Variants in PGGT1B observed in about 807,000 individuals in gnomAD.
PGGT1B encodes the protein geranylgeranyl transferase type-1 subunit beta.
PGGT1B carries 30 observed loss-of-function variants against 46.1 expected under a neutral mutation model. The observed-to-expected ratio is 0.65, with a 90% CI of 0.49 to 0.88. PGGT1B has a LOEUF of 0.88. Ranked by LOEUF, PGGT1B falls within the 40% of genes least tolerant of loss-of-function variation. The pLI, the probability that PGGT1B is intolerant of heterozygous loss-of-function variation, is 0.00. For missense variants in PGGT1B, 376 were observed against 455.9 expected (o/e 0.82, Z 1.60); for synonymous variants, 170 against 160.0 (o/e 1.06, Z -0.47).
intron 6 of PGGT1B, among the ~76,000 whole-genome samples, chr5:115,224,982 GGGGCTGAATGGGGTTA>G (rs1237570947): frequency 6.6e-6 from 1 of 151,962 alleles, no homozygotes; most frequent in Non-Finnish European, 1.5e-5. Flanking sequence ...ATATCTTTTT[GGGGCTGAATGGGGTTA>G]GATCAATGAT....
rs551887356 is a variant in PGGT1B at position 115,239,495 on chromosome 5, C to T, written c.328-1486G>A. ...AACTGACTTCTTAGAATTCCTATTG[C>T]ATATTTAACTTTTTGATACTTAAAG... On this transcript the variant is annotated intron_variant, in intron 3 of 8. Transcript: ENST00000419445. Among the ~76,000 whole-genome samples, 6 of 152,274 alleles carry T rather than the reference C, an allele frequency of 3.9e-5. No homozygotes were observed. The South Asian group carries it at 1.2e-3, about 32-fold the overall frequency.
intron 5 of PGGT1B, 152 bp downstream of exon 5, chr5:115,236,238 T>C (rs1757177966): frequency 1.8e-6 from 1 of 546,384 alleles, no homozygotes; most frequent in African/African-American, 2.0e-5. Context: ...AGATTATTTC[T>C]TTATTGTGTT....
intron 1 of PGGT1B, among the ~76,000 whole-genome samples, chr5:115,254,212 T>A (rs899188314): frequency 4.6e-5 from 7 of 152,064 alleles, no homozygotes; most frequent in Non-Finnish European, 8.8e-5. Context: ...GCATCTAGAG[T>A]ACTATTATCT....
chr5:115,232,061 G>A (rs1215137198), intron 5 of PGGT1B, among the ~76,000 whole-genome samples: 1 of 152,042 alleles, frequency 6.6e-6, no homozygotes, highest in African/African-American at 2.4e-5. Flanking sequence ...CCCACATGAT[G>A]TTTTATTAAA....
chr5:115,252,916 A>G (rs142513491), intron 2 of PGGT1B: 1 of 478,636 alleles, frequency 2.1e-6, no homozygotes, highest in Non-Finnish European at 3.6e-6. Context: ...ACAACTGTGA[A>G]TCTCTATTAA....
intron 6 of PGGT1B, among the ~76,000 whole-genome samples, chr5:115,225,301 C>T (rs1756736508): frequency 1.3e-5 from 2 of 152,234 alleles, no homozygotes; most frequent in African/African-American, 2.4e-5. Flanking sequence ...ATACTTCAGT[C>T]ATAAAACATC....
At chr5:115,237,731 T>C in intron 4 of PGGT1B, 127 bp downstream of exon 4, 2 of 667,734 alleles carry the variant, frequency 3.0e-6, no homozygotes, top group Non-Finnish European at 4.7e-6. Context: ...ATTATGTACC[T>C]CGTAAGCTTT....
chr5:115,215,199 T>C (rs575486167), intron 8 of PGGT1B, among the ~76,000 whole-genome samples: 2 of 152,242 alleles, frequency 1.3e-5, no homozygotes, highest in South Asian at 2.1e-4. Context: ...GGTCTCGCCA[T>C]ATTGACCAGG....
intron 2 of PGGT1B, among the ~76,000 whole-genome samples, chr5:115,242,841 C>A (rs1757389068): frequency 6.6e-6 from 1 of 152,114 alleles, no homozygotes; most frequent in Non-Finnish European, 1.5e-5. Flanking sequence ...GTGGCACCTG[C>A]CTGTAATCCC....
intron 1 of PGGT1B, among the ~76,000 whole-genome samples, chr5:115,254,885 G>C (rs1324311946): frequency 6.6e-6 from 1 of 152,064 alleles, no homozygotes; most frequent in South Asian, 2.1e-4. Flanking sequence ...TTGAATTAGA[G>C]AGGTAATTTA....
chr5:115,213,223 G>A (rs1756294914), intron 8 of PGGT1B, among the ~76,000 whole-genome samples: 1 of 152,174 alleles, frequency 6.6e-6, no homozygotes, highest in East Asian at 1.9e-4. Flanking sequence ...CTATTTGGTT[G>A]AAATAATATG....
At chr5:115,240,400 A>G (rs2127015096) in intron 3 of PGGT1B, among the ~76,000 whole-genome samples, 1 of 152,326 alleles carries the variant, frequency 6.6e-6, no homozygotes, top group South Asian at 2.1e-4. Context: ...CGGTCATCAT[A>G]ACTAGTGGCA....
intron 5 of PGGT1B, among the ~76,000 whole-genome samples, chr5:115,236,038 G>T (rs1466394822): frequency 2.0e-5 from 3 of 152,064 alleles, no homozygotes; most frequent in African/African-American, 7.2e-5. Context: ...TCTCACCAAA[G>T]ATAACATAAT....
At chr5:115,252,232 AT>A (rs980322493) in intron 2 of PGGT1B, among the ~76,000 whole-genome samples, 3 of 152,070 alleles carry the variant, frequency 2.0e-5, no homozygotes, top group East Asian at 1.9e-4. Flanking sequence ...TACTTAAATC[AT>A]TTTTTAATAA....
At chr5:115,218,718 T>TA (rs1299394319) in intron 7 of PGGT1B, among the ~76,000 whole-genome samples, 1 of 151,748 alleles carries the variant, frequency 6.6e-6, no homozygotes, top group Non-Finnish European at 1.5e-5. Flanking sequence ...CACTGTTTTG[T>TA]AACCTCTTAA....
intron 1 of PGGT1B, among the ~76,000 whole-genome samples, chr5:115,260,162 T>C (rs1748493908): frequency 6.6e-6 from 1 of 152,202 alleles, no homozygotes; most frequent in South Asian, 2.1e-4. Flanking sequence ...CATAAAGTCA[T>C]TGTCACTAGA....
chr5:115,220,294 T>C (rs1401058348), intron 7 of PGGT1B, among the ~76,000 whole-genome samples: 13 of 151,836 alleles, frequency 8.6e-5, no homozygotes, highest in Admixed American at 1.3e-4. Flanking sequence ...TTTTGATATA[T>C]GCCATGTCAT....
chr5:115,246,482 T>C (rs565785095), intron 2 of PGGT1B, among the ~76,000 whole-genome samples: 1 of 152,322 alleles, frequency 6.6e-6, no homozygotes, highest in African/African-American at 2.4e-5. Flanking sequence ...TTCATGATAA[T>C]TAAGAAAGTA....
Position 115,207,511 on chromosome 5 carries a change from T to C in PGGT1B, c.*4891A>G, listed in dbSNP as rs1756100472. 1 of 151,766 alleles carries C rather than the reference T, an allele frequency of 6.6e-6. No individual in the cohort carries two copies. Among genetic ancestry groups the C allele is most frequent in the Non-Finnish European group, 1.5e-5 (1 of 67,866 alleles). The allele number at this position is 151,766 out of a possible 1,614,324, so 9.4% of individuals were successfully genotyped here. The stretch of plus-strand genomic sequence containing the variant: ...CAGCACTTACCTTTGGGAAGAGAGG[T>C]AGTGACTGAAAGAGGGTGCTGATTT... On this transcript the variant is annotated 3_prime_UTR_variant, in exon 9 of 9. Transcript: ENST00000419445.
Sources: allele counts gnomAD v4.1 joint callset (sites outside exome capture counted in the v4.1 genomes callset), GRCh38; gene constraint gnomAD v4.1.1; transcripts MANE v1.5; gene names NCBI Gene and HGNC (gene_info 2026-07-23, HGNC 2026-07-21).